The following CACNA2D1 variants were observed in gnomAD, a reference collection of about 807,000 sequenced individuals.
CACNA2D1 encodes calcium voltage-gated channel auxiliary subunit alpha2delta 1.
In CACNA2D1, 53 loss-of-function variants were observed where a neutral mutation model predicts 171.5. The ratio of observed to expected loss-of-function variants is 0.31; its 90% CI spans 0.25 to 0.39. The LOEUF is 0.39. Among genes scored for constraint, CACNA2D1 ranks in the 10% least tolerant of loss-of-function variants. CACNA2D1 has a pLI of 1.00. For missense variants in CACNA2D1, 903 were observed against 1,299.8 expected, an observed-to-expected ratio of 0.69 and a Z score of 4.69; for synonymous variants, 442 against 443.1, an observed-to-expected ratio of 1.00 and a Z score of 0.03.
chr7:82,078,880 G>A (rs1433627231), intron 7 of CACNA2D1, among the ~76,000 whole-genome samples: 1 of 150,166 alleles, frequency 6.7e-6, no homozygotes, highest in Non-Finnish European at 1.5e-5. Flanking sequence ...AGGAGAAAGA[G>A]GAAGAAGAAA....
chr7:82,196,656 T>C (rs1798883116), intron 3 of CACNA2D1, among the ~76,000 whole-genome samples: 1 of 151,908 alleles, frequency 6.6e-6, no homozygotes, highest in African/African-American at 2.4e-5. Context: ...AGCAAAGTCA[T>C]TAGAGAGTAA....
At position 82,208,643 on chromosome 7, in the gene CACNA2D1, TCTTTA is replaced by T. The variant is rs979006838; in HGVS notation, c.295-38039_295-38035del. Among the ~76,000 whole-genome samples, 117 of 152,298 alleles carry T rather than the reference TCTTTA, an allele frequency of 7.7e-4. 1 individual carries two copies. Among genetic ancestry groups the T allele is most frequent in the Admixed American group, 7.3e-3 (112 of 15,280 alleles). ...AGTACTGAAAATGGTTTTAGAAATATCTTTACTTTATCAGATTTATAAGCATTCAT... is the reference window on the plus strand; with the variant it reads ...AGTACTGAAAATGGTTTTAGAAATATCTTTATCAGATTTATAAGCATTCAT... On this transcript the variant is annotated intron_variant, in intron 3 of 38. Transcript: ENST00000356860.
At chr7:81,975,243 T>C (rs1254205201) in intron 24 of CACNA2D1, among the ~76,000 whole-genome samples, 2 of 152,140 alleles carry the variant, frequency 1.3e-5, no homozygotes, top group Admixed American at 6.6e-5. Context: ...TGTGAATCTA[T>C]GACTGTCTGA....
intron 7 of CACNA2D1, among the ~76,000 whole-genome samples, chr7:82,077,434 T>C (rs1809116522): frequency 6.6e-6 from 1 of 152,120 alleles, no homozygotes; most frequent in South Asian, 2.1e-4. Flanking sequence ...GTAACAACAA[T>C]AGACTCTAAG....
At chr7:82,212,410 A>G (rs780331329) in intron 3 of CACNA2D1, among the ~76,000 whole-genome samples, 12 of 152,200 alleles carry the variant, frequency 7.9e-5, no homozygotes, top group Admixed American at 1.3e-4. Context: ...TTATCTAGCA[A>G]TCCTACAAGG....
intron 3 of CACNA2D1, among the ~76,000 whole-genome samples, chr7:82,269,379 T>G (rs1808331452): frequency 6.6e-6 from 1 of 152,220 alleles, no homozygotes; most frequent in Non-Finnish European, 1.5e-5. Flanking sequence ...CAAGGGCAGA[T>G]GCTATACAAG....
intron 1 of CACNA2D1, among the ~76,000 whole-genome samples, chr7:82,366,767 G>T (rs1413067824): frequency 6.6e-6 from 1 of 152,014 alleles, no homozygotes; most frequent in Non-Finnish European, 1.5e-5. Context: ...TTGAATGGTA[G>T]TTCTGTTTTA....
intron 6 of CACNA2D1, among the ~76,000 whole-genome samples, chr7:82,114,047 T>C (rs1047672926): frequency 3.9e-5 from 6 of 152,206 alleles, no homozygotes; most frequent in Non-Finnish European, 5.9e-5. Context: ...TGTTAAGTTG[T>C]ATTCTCTGAG....
intron 1 of CACNA2D1, among the ~76,000 whole-genome samples, chr7:82,356,672 T>A (rs1469514657): frequency 1.3e-5 from 2 of 151,918 alleles, no homozygotes; most frequent in South Asian, 2.1e-4. Flanking sequence ...TTAAAAAAAA[T>A]AGCTATCTTT....
Position 82,070,164 on chromosome 7 carries a change from G to A in CACNA2D1, c.659-3640C>T, listed in dbSNP as rs189515549. On this transcript the variant is annotated intron_variant, in intron 7 of 38. Coordinates refer to ENST00000356860, the MANE Select transcript of CACNA2D1 (RefSeq NM_000722.4). Reference sequence around the variant, plus strand: ...ATGGATCCTCCACAGTCCCTAATTTGCACCATGGCTCCAATAACCAAGTTC... The same window carrying A: ...ATGGATCCTCCACAGTCCCTAATTTACACCATGGCTCCAATAACCAAGTTC... Among the ~76,000 whole-genome samples the A allele has an allele frequency of 6.8e-4, 103 of 152,200 alleles. 1 individual carries two copies. The highest frequency in any genetic ancestry group is 2.4e-3 in the African/African-American group (101 of 41,550).
At chr7:82,289,519 AT>A (rs1224203080) in intron 3 of CACNA2D1, among the ~76,000 whole-genome samples, 1 of 152,228 alleles carries the variant, frequency 6.6e-6, no homozygotes, top group Non-Finnish European at 1.5e-5. Flanking sequence ...ATTCCAAATA[AT>A]TTAACCAACT....
intron 7 of CACNA2D1, among the ~76,000 whole-genome samples, chr7:82,073,612 T>A (rs1241855638): frequency 6.6e-6 from 1 of 152,128 alleles, no homozygotes; most frequent in Non-Finnish European, 1.5e-5. Flanking sequence ...TTATTTTAAT[T>A]TTTTTGAGAT....
intron 1 of CACNA2D1, among the ~76,000 whole-genome samples, chr7:82,435,360 A>C (rs1393212751): frequency 6.6e-6 from 1 of 152,060 alleles, no homozygotes; most frequent in Non-Finnish European, 1.5e-5. Flanking sequence ...CTAAGGGCCT[A>C]ACAGACATCT....
chr7:82,338,722 A>G (rs1308797568), intron 2 of CACNA2D1, among the ~76,000 whole-genome samples: 1 of 152,178 alleles, frequency 6.6e-6, no homozygotes, highest in Non-Finnish European at 1.5e-5. Flanking sequence ...GTGAGTGGTA[A>G]TGTGGCATAT....
In CACNA2D1 at chr7:82,443,774, C is replaced by G. The variant is rs908112032; in HGVS notation, c.-315G>C. ...GAGCCCGCCGGCGCTCGCGCGCTCTCGCTCTCCCTCTCGGTTTCCTCCCTG... is the reference window on the plus strand; with the variant it reads ...GAGCCCGCCGGCGCTCGCGCGCTCTGGCTCTCCCTCTCGGTTTCCTCCCTG... On this transcript the variant is annotated 5_prime_UTR_variant, in exon 1 of 39. Coordinates refer to ENST00000356860, the MANE Select transcript of CACNA2D1 (RefSeq NM_000722.4). 20 of 1,057,306 alleles carry G rather than the reference C, an allele frequency of 1.9e-5. 1 individual carries two copies. The highest frequency in any genetic ancestry group is 2.3e-5 in the Non-Finnish European group (19 of 829,688). 65.5% of individuals were successfully genotyped at this position (1,057,306 alleles called of 1,614,324 possible).
chr7:82,383,782 T>G (rs1206980818), intron 1 of CACNA2D1, among the ~76,000 whole-genome samples: 1 of 152,234 alleles, frequency 6.6e-6, no homozygotes, highest in Non-Finnish European at 1.5e-5. Context: ...ATACCAATGT[T>G]TATTTACTAA....
intron 1 of CACNA2D1, among the ~76,000 whole-genome samples, chr7:82,398,389 G>A (rs1825968816): frequency 6.6e-6 from 1 of 152,110 alleles, no homozygotes; most frequent in Admixed American, 6.6e-5. Context: ...AAAAGAATGA[G>A]TTTTATCTTT....
intron 3 of CACNA2D1, among the ~76,000 whole-genome samples, chr7:82,322,362 G>C (rs1816083379): frequency 6.8e-6 from 1 of 148,012 alleles, no homozygotes; most frequent in Admixed American, 6.9e-5. Flanking sequence ...CACCTATAAG[G>C]CCAGTACTTT....
intron 9 of CACNA2D1, among the ~76,000 whole-genome samples, chr7:82,061,034 T>A (rs1454468503): frequency 6.6e-6 from 1 of 152,162 alleles, no homozygotes; most frequent in Non-Finnish European, 1.5e-5. Context: ...TTCCTCTACA[T>A]ATTCTACAAT....
Sources: allele counts gnomAD v4.1 joint callset (sites outside exome capture counted in the v4.1 genomes callset), GRCh38; gene constraint gnomAD v4.1.1; transcripts MANE v1.5; gene names NCBI Gene and HGNC (gene_info 2026-07-23, HGNC 2026-07-21).